The following SLC24A2 variants were observed in gnomAD, a reference collection of about 807,000 sequenced individuals.
The protein encoded by SLC24A2 is solute carrier family 24 member 2.
A neutral mutation model predicts 62.0 loss-of-function variants in SLC24A2; 36 were observed. The ratio of observed to expected loss-of-function variants is 0.58; its 90% CI spans 0.44 to 0.77. SLC24A2 has a LOEUF of 0.77. Ranked by LOEUF, SLC24A2 falls within the 30% of genes least tolerant of loss-of-function variation. The probability of loss-of-function intolerance (pLI) is 0.00; values close to 1 mark genes in which losing one functional copy is unlikely to be tolerated. For missense variants in SLC24A2, 846 were observed against 817.9 expected (o/e 1.03, Z -0.42); for synonymous variants, 358 against 294.0 (o/e 1.22, Z -2.23).
the SLC24A2 span, among the ~76,000 whole-genome samples, chr9:20,006,578 C>T: frequency 6.6e-6 from 1 of 151,794 alleles, no homozygotes; most frequent in Non-Finnish European, 1.5e-5. Context: ...ATCTCATATA[C>T]CCCATAAATA....
At chr9:20,278,690 G>A in the SLC24A2 span, among the ~76,000 whole-genome samples, 17 of 151,934 alleles carry the variant, frequency 1.1e-4, no homozygotes, top group Non-Finnish European at 2.2e-4. Flanking sequence ...TCCTGTCTTC[G>A]GAGCCCTCCA....
chr9:19,583,940 A>C (rs1196802609), intron 5 of SLC24A2, among the ~76,000 whole-genome samples: 1 of 152,100 alleles, frequency 6.6e-6, no homozygotes, highest in Non-Finnish European at 1.5e-5. Flanking sequence ...TCAAGGCCTA[A>C]CTCAATGTCC....
At position 19,704,436 on chromosome 9, in the gene SLC24A2, A is replaced by C. The variant is rs901715626; in HGVS notation, c.930+81501T>G. Reference sequence around the variant, plus strand: ...GTATGTGCAAGACAGACAGATGGGAAGAATACATATTAAAATACCAACAGT... The same window carrying C: ...GTATGTGCAAGACAGACAGATGGGACGAATACATATTAAAATACCAACAGT... On this transcript the variant is annotated intron_variant, in intron 2 of 10. Transcript: ENST00000341998. Among the ~76,000 whole-genome samples the C allele has an allele frequency of 6.6e-5, 10 of 152,320 alleles. 1 individual carries two copies. The highest frequency in any genetic ancestry group is 3.9e-4 in the Admixed American group (6 of 15,302).
At chr9:20,185,396 C>T in the SLC24A2 span, among the ~76,000 whole-genome samples, 11 of 151,752 alleles carry the variant, frequency 7.2e-5, no homozygotes, top group Non-Finnish European at 1.6e-4. Flanking sequence ...CCAGGCATCG[C>T]GGCTCACGCC....
the SLC24A2 span, among the ~76,000 whole-genome samples, chr9:19,930,605 G>A: frequency 7.9e-5 from 12 of 152,178 alleles, no homozygotes; most frequent in African/African-American, 2.4e-4. Context: ...TTAGGACAAG[G>A]ACTGCTTTCG....
At chr9:20,012,248 A>G in the SLC24A2 span, among the ~76,000 whole-genome samples, 1 of 152,312 alleles carries the variant, frequency 6.6e-6, no homozygotes, top group East Asian at 1.9e-4. Flanking sequence ...GTGGCTGGGG[A>G]GGCCTCACAA....
At chr9:20,270,477 C>T in the SLC24A2 span, among the ~76,000 whole-genome samples, 17 of 152,200 alleles carry the variant, frequency 1.1e-4, no homozygotes, top group African/African-American at 4.1e-4. Context: ...CTTCTCTTTG[C>T]AACCCATCCC....
chr9:19,668,776 A>T (rs969566785), intron 2 of SLC24A2, among the ~76,000 whole-genome samples: 1 of 152,174 alleles, frequency 6.6e-6, no homozygotes, highest in African/African-American at 2.4e-5. Flanking sequence ...ACCATATTCT[A>T]GCTCATATGA....
chr9:19,754,542 G>A (rs1236482988), intron 2 of SLC24A2, among the ~76,000 whole-genome samples: 1 of 152,126 alleles, frequency 6.6e-6, no homozygotes, highest in Non-Finnish European at 1.5e-5. Flanking sequence ...TGGGTGCAGG[G>A]TTTATTTAGG....
chr9:19,642,822 A>T (rs1328823177), intron 2 of SLC24A2, among the ~76,000 whole-genome samples: 1 of 150,096 alleles, frequency 6.7e-6, no homozygotes, highest in Non-Finnish European at 1.5e-5. Context: ...CTGGGACTAC[A>T]GGCGCCCGCC....
chr9:19,608,607 G>T (rs1039224405), intron 4 of SLC24A2, among the ~76,000 whole-genome samples: 11 of 152,116 alleles, frequency 7.2e-5, no homozygotes, highest in African/African-American at 2.7e-4. Flanking sequence ...TTTTCTCAGA[G>T]GTAAAACATG....
At chr9:19,987,911 C>G in the SLC24A2 span, among the ~76,000 whole-genome samples, 2 of 152,186 alleles carry the variant, frequency 1.3e-5, no homozygotes, top group African/African-American at 4.8e-5. Context: ...CACTCCTCAT[C>G]TTGTGTTCGT....
At chr9:20,007,624 C>T in the SLC24A2 span, among the ~76,000 whole-genome samples, 1 of 151,964 alleles carries the variant, frequency 6.6e-6, no homozygotes, top group Non-Finnish European at 1.5e-5. Flanking sequence ...ATGGGGATTT[C>T]AACATGAAAC....
chr9:19,597,402 T>C, intron 4 of SLC24A2, 123 bp from the exon 5 acceptor site: 2 of 739,254 alleles, frequency 2.7e-6, no homozygotes, highest in Non-Finnish European at 4.9e-6. Context: ...ATCGTAACTA[T>C]ATGGAGATGT....
At chr9:19,719,288 G>A (rs1820954899) in intron 2 of SLC24A2, among the ~76,000 whole-genome samples, 1 of 152,182 alleles carries the variant, frequency 6.6e-6, no homozygotes, top group Non-Finnish European at 1.5e-5. Flanking sequence ...CAAATTAGTA[G>A]ATAAGAAAGT....
chr9:19,885,522 G>A, the SLC24A2 span, among the ~76,000 whole-genome samples: 1 of 152,178 alleles, frequency 6.6e-6, no homozygotes, highest in Non-Finnish European at 1.5e-5. Flanking sequence ...TTATAGATGA[G>A]GAAACAAGCT....
At chr9:19,625,259 T>G (rs1476579978) in intron 2 of SLC24A2, among the ~76,000 whole-genome samples, 1 of 152,184 alleles carries the variant, frequency 6.6e-6, no homozygotes, top group African/African-American at 2.4e-5. Context: ...CAATTCCTGG[T>G]AGTCAGCATG....
intron 9 of SLC24A2, among the ~76,000 whole-genome samples, chr9:19,525,430 G>A (rs1440947864): frequency 8.6e-6 from 1 of 115,716 alleles, no homozygotes; most frequent in Non-Finnish European, 1.6e-5. Flanking sequence ...AAAAGACAGG[G>A]TCTTACTCTG....
chr9:19,826,121 A>C, the SLC24A2 span, among the ~76,000 whole-genome samples: 2 of 151,940 alleles, frequency 1.3e-5, no homozygotes, highest in Non-Finnish European at 2.9e-5. Flanking sequence ...CAGAACAAAA[A>C]TGATCATAAC....
Sources: gnomAD v4.1 joint callset for allele counts (sites outside exome capture counted in the v4.1 genomes callset) on GRCh38, gnomAD v4.1.1 for gene constraint, MANE v1.5 for transcripts, NCBI Gene and HGNC (gene_info 2026-07-23, HGNC 2026-07-21) for gene names.